Variants in CFAP418 observed in about 807,000 individuals in gnomAD.
CFAP418 encodes cilia and flagella associated protein 418, also known as cilia- and flagella-associated protein 418.
A neutral mutation model predicts 24.7 loss-of-function variants in CFAP418; 27 were observed. The ratio of observed to expected loss-of-function variants is 1.09; its 90% CI spans 0.81 to 1.51. The LOEUF (loss-of-function observed/expected upper bound fraction) is 1.51, where lower values mean the gene tolerates loss of function less well. Ranked by LOEUF, CFAP418 falls within the 40% of genes most tolerant of loss-of-function variation. The pLI is 0.00. For missense variants in CFAP418, 257 were observed against 255.2 expected (o/e 1.01, Z -0.05); for synonymous variants, 74 against 87.3 (o/e 0.85, Z 0.85).
At chr8:95,267,712 C>T (rs986983519) in intron 1 of CFAP418, among the ~76,000 whole-genome samples, 2 of 152,134 alleles carry the variant, frequency 1.3e-5, no homozygotes, top group African/African-American at 4.8e-5. Context: ...CAAAACCAAA[C>T]CAAAGATGCA....
chr8:95,267,962 G>A (rs1466691986), intron 1 of CFAP418, among the ~76,000 whole-genome samples: 1 of 151,940 alleles, frequency 6.6e-6, no homozygotes, highest in South Asian at 2.1e-4. Context: ...AAAACGACTG[G>A]TAAATTTGAA....
chr8:95,258,628 T>C (rs1001877214), intron 4 of CFAP418, among the ~76,000 whole-genome samples: 9 of 152,188 alleles, frequency 5.9e-5, no homozygotes, highest in African/African-American at 2.2e-4. Flanking sequence ...TTATAAAGTC[T>C]ATACTAGTGT....
At chr8:95,252,967 C>T (rs1811731107) in intron 4 of CFAP418, among the ~76,000 whole-genome samples, 1 of 152,118 alleles carries the variant, frequency 6.6e-6, no homozygotes, top group South Asian at 2.1e-4. Flanking sequence ...TTTGTAAAAA[C>T]GACCCCCACA....
intron 1 of CFAP418, among the ~76,000 whole-genome samples, chr8:95,266,377 C>A (rs145909119): frequency 1.6e-4 from 24 of 152,078 alleles, no homozygotes; most frequent in African/African-American, 5.8e-4. Flanking sequence ...TCATTTTGAA[C>A]ACTTCAACAA....
At position 95,269,030 on chromosome 8, in the gene CFAP418, TTAA is replaced by T. The variant is rs777941171; in HGVS notation, c.155+2_155+4del. The T allele has an allele frequency of 6.2e-7, 1 of 1,613,652 alleles. No individual in the cohort carries two copies. Among genetic ancestry groups the T allele is most frequent in the South Asian group, 1.1e-5 (1 of 91,072 alleles). ...AGAACAGTCCACCCCTCCCGCCCGG[TTAA>T]CCTGAGCGTCTCTTTCGCCTTGGCT... On this transcript the variant is annotated splice_donor_variant and splice_donor_region_variant and intron_variant, in intron 1 of 5. Coordinates refer to ENST00000286688, the MANE Select transcript of CFAP418 (RefSeq NM_177965.4). LOFTEE classifies it high-confidence loss of function.
In CFAP418 at chr8:95,269,090, CGCAGCCTTTGGGCT is replaced by C; in HGVS notation, c.86_99del (p.Gln29ArgfsTer7). The C allele has an allele frequency of 1.2e-6, 2 of 1,614,200 alleles. No homozygotes were observed. Among genetic ancestry groups the C allele is most frequent in the Non-Finnish European group, 1.7e-6 (2 of 1,180,026 alleles). On this transcript the variant is annotated frameshift_variant, in exon 1 of 6. Transcript: ENST00000286688. LOFTEE classifies it high-confidence loss of function. ...CGGTCGCTACTGTGGGTGCCGCCGC[CGCAGCCTTTGGGCT>C]GCTCGACCATACCCCGTCTTAGAAG...
At chr8:95,248,789 G>T (rs1017137153) in intron 5 of CFAP418, among the ~76,000 whole-genome samples, 1 of 152,024 alleles carries the variant, frequency 6.6e-6, no homozygotes, top group African/African-American at 2.4e-5. Flanking sequence ...GTGAAAGGAC[G>T]AAATACAGTA....
intron 4 of CFAP418, among the ~76,000 whole-genome samples, chr8:95,256,301 T>C (rs112687920): frequency 0.01 from 1,535 of 152,260 alleles, 26 homozygotes; most frequent in African/African-American, 0.035. Flanking sequence ...GGAAAACTAG[T>C]AGTAGAATAA....
rs192783069 is a variant in CFAP418, at chr8:95,245,897, A to G, written c.*1720T>C. On this transcript the variant is annotated 3_prime_UTR_variant, in exon 6 of 6. Transcript: ENST00000286688. ...TATTTTTTTCCAGCAGTCGACTTCA[A>G]TCGACATCCCCCTAGGTTTCTGACT... 2 of 152,330 alleles carry G rather than the reference A, an allele frequency of 1.3e-5. No individual in the cohort carries two copies. Among genetic ancestry groups the G allele is most frequent in the Admixed American group, 6.5e-5 (1 of 15,306 alleles). The allele number at this position is 152,330 out of a possible 1,614,324, so 9.4% of individuals were successfully genotyped here.
intron 2 of CFAP418, among the ~76,000 whole-genome samples, chr8:95,262,999 A>T (rs1052281646): frequency 3.9e-5 from 6 of 152,224 alleles, no homozygotes; most frequent in African/African-American, 1.4e-4. Flanking sequence ...GTTTATGGTT[A>T]TGTACATATG....
At chr8:95,253,031 C>T (rs1454806148) in intron 4 of CFAP418, among the ~76,000 whole-genome samples, 2 of 151,796 alleles carry the variant, frequency 1.3e-5, no homozygotes, top group Admixed American at 6.6e-5. Flanking sequence ...GCAAAATGGC[C>T]GGGCGCGGTG....
intron 1 of CFAP418, among the ~76,000 whole-genome samples, chr8:95,267,380 T>G (rs1812005592): frequency 1.3e-5 from 2 of 152,154 alleles, no homozygotes; most frequent in African/African-American, 4.8e-5. Flanking sequence ...GGTGGGTGGA[T>G]CACGAGGTCA....
chr8:95,269,118 C>G lies in CFAP418; in HGVS notation c.72G>C (p.Arg24=). 3 of 1,614,248 alleles carry G rather than the reference C, an allele frequency of 1.9e-6. No individual in the cohort carries two copies. The highest frequency in any genetic ancestry group is 2.5e-6 in the Non-Finnish European group (3 of 1,180,040). ...SKFCTPDLLR[R]GMVEQPKGCG... ...AGCCTTTGGGCTGCTCGACCATACCCCGTCTTAGAAGGTCAGGTGTGCAAA... is the reference window on the plus strand; with the variant it reads ...AGCCTTTGGGCTGCTCGACCATACCGCGTCTTAGAAGGTCAGGTGTGCAAA... The change falls in exon 1 of 6, where the codon CGG becomes CGC. Residue 24 remains arginine, a synonymous_variant. Transcript: ENST00000286688.
In CFAP418 at chr8:95,247,176, A is replaced by ACTGG. The variant is rs1811635438; in HGVS notation, c.*440_*441insCCAG. On this transcript the variant is annotated 3_prime_UTR_variant, in exon 6 of 6. Coordinates refer to ENST00000286688, the MANE Select transcript of CFAP418 (RefSeq NM_177965.4). ...GTCCAAATTATGATCTTTGGCAACA[A>ACTGG]AAGATCTGACTGGAAGAAGTGTTGT... 1 of 160,008 alleles carries ACTGG rather than the reference A, an allele frequency of 6.2e-6. No individual in the cohort carries two copies. Among genetic ancestry groups the ACTGG allele is most frequent in the Non-Finnish European group, 1.4e-5 (1 of 72,372 alleles). The allele number at this position is 160,008 out of a possible 1,614,324, so 9.9% of individuals were successfully genotyped here. A position where few individuals can be genotyped will look rare whatever the true frequency, so the allele number is the denominator to read the frequency against.
chr8:95,268,992 G>A (rs927629062), intron 1 of CFAP418, 43 bp downstream of exon 1: 1 of 1,595,122 alleles, frequency 6.3e-7, no homozygotes, highest in Non-Finnish European at 8.6e-7. Context: ...AGGGCCTGGA[G>A]CAGGGCTTTA....
Position 95,245,179 on chromosome 8 carries a change from T to C in CFAP418, c.*2438A>G, listed in dbSNP as rs1287016711. 6.6e-6 allele frequency: 1 copy of C among 152,198 alleles called. No individual in the cohort carries two copies. The highest frequency in any genetic ancestry group is 2.4e-5 in the African/African-American group (1 of 41,456). The allele number at this position is 152,198 out of a possible 1,614,324, so 9.4% of individuals were successfully genotyped here. The stretch of plus-strand genomic sequence containing the variant: ...AGATGATTAGAAACTATACTTTTCT[T>C]CTATACTGATACTAAAATAGTTTCA... On this transcript the variant is annotated 3_prime_UTR_variant, in exon 6 of 6. Transcript: ENST00000286688.
At chr8:95,265,747 T>C (rs1376942736) in intron 1 of CFAP418, among the ~76,000 whole-genome samples, 1 of 152,170 alleles carries the variant, frequency 6.6e-6, no homozygotes, top group East Asian at 1.9e-4. Flanking sequence ...TGTTCTTAGA[T>C]CACACAATTT....
chr8:95,258,993 T>A (rs182646724), intron 4 of CFAP418, among the ~76,000 whole-genome samples: 3 of 152,336 alleles, frequency 2.0e-5, no homozygotes, highest in African/African-American at 7.2e-5. Context: ...TTATGACTAA[T>A]GACATATTTC....
intron 5 of CFAP418, among the ~76,000 whole-genome samples, chr8:95,251,461 C>A (rs1331955284): frequency 3.3e-5 from 5 of 152,094 alleles, no homozygotes; most frequent in Admixed American, 1.3e-4. Flanking sequence ...GAAGACAAAG[C>A]TGGATGATGG....
Sources: allele counts gnomAD v4.1 joint callset (sites outside exome capture counted in the v4.1 genomes callset), GRCh38; gene constraint gnomAD v4.1.1; transcripts MANE v1.5; gene names NCBI Gene and HGNC (gene_info 2026-07-23, HGNC 2026-07-21).